The following FURIN variants were observed in gnomAD, a reference collection of about 807,000 sequenced individuals.
FURIN encodes FES upstream region.
A neutral mutation model predicts 89.2 loss-of-function variants in FURIN; 18 were observed. That is an observed-to-expected ratio of 0.20 (90% CI 0.14 to 0.30). FURIN has a LOEUF of 0.30. Ranked by LOEUF, FURIN falls within the 10% of genes least tolerant of loss-of-function variation. FURIN has a pLI of 1.00. For missense variants in FURIN, 879 were observed against 1,100.5 expected (o/e 0.80, Z 2.85); for synonymous variants, 508 against 466.4 (o/e 1.09, Z -1.15).
intron 9 of FURIN, 145 bp from the exon 10 acceptor site, chr15:90,879,299 C>T: frequency 3.0e-6 from 2 of 664,842 alleles, no homozygotes; most frequent in Non-Finnish European, 5.3e-6. Flanking sequence ...GTTAGCAAGG[C>T]AGCAGCTGGG....
In FURIN at chr15:90,877,170, CCCT is replaced by C; in HGVS notation, c.538_540del (p.Pro180del). The C allele has an allele frequency of 6.2e-7, 1 of 1,612,318 alleles. No individual in the cohort carries two copies. The highest frequency in any genetic ancestry group is 8.5e-7 in the Non-Finnish European group (1 of 1,179,022). On this transcript the variant is annotated inframe_deletion, in exon 6 of 16. Coordinates refer to ENST00000268171, the MANE Select transcript of FURIN (RefSeq NM_002569.4). ...CCAGTTTTGATGTCAATGACCAGGA[CCCT>C]GACCCCCAGCCTCGGTACACACAGA...
chr15:90,877,233 T>G (rs1596076700), intron 6 of FURIN, 22 bp downstream of exon 6: 1 of 1,557,410 alleles, frequency 6.4e-7, no homozygotes, highest in Non-Finnish European at 8.8e-7. Flanking sequence ...CAGGCCCCGG[T>G]CTCTGCCTCC....
In FURIN at chr15:90,882,138, C is replaced by A. The variant is rs1567085990; in HGVS notation, c.*260C>A. 6.6e-6 allele frequency: 3 copies of A among 456,470 alleles called. No individual in the cohort carries two copies. In the South Asian group the frequency reaches 7.9e-5, roughly 12 times the overall value. The allele number at this position is 456,470 out of a possible 1,614,324, so 28.3% of individuals were successfully genotyped here. A position where few individuals can be genotyped will look rare whatever the true frequency, so the allele number is the denominator to read the frequency against. ...AGTGAAACCTTTAGGGCAGCTTGCC[C>A]CGGCCCCGGCCCCAGCCAGAGTTCC... On this transcript the variant is annotated 3_prime_UTR_variant, in exon 16 of 16. Transcript: ENST00000268171.
At position 90,875,821 on chromosome 15, in the gene FURIN, G is replaced by A. The variant is rs756829359; in HGVS notation, c.81G>A (p.Gln27=). 7 of 1,568,446 alleles carry A rather than the reference G, an allele frequency of 4.5e-6. No homozygotes were observed. The highest frequency in any genetic ancestry group is 5.2e-6 in the Non-Finnish European group (6 of 1,156,138). The part of the protein sequence containing the change: ...LVLLAADAQG[Q]KVFTNTWAVR... ...TGCTAGCAGCTGATGCTCAGGGCCA[G>A]AAGGTCTTCACCAACACGTGGGCTG... The change falls in exon 2 of 16, where the codon CAG becomes CAA. Residue 27 remains glutamine (Q), a synonymous_variant. Coordinates refer to ENST00000268171, the MANE Select transcript of FURIN (RefSeq NM_002569.4).
Position 90,876,370 on chromosome 15 carries a change from C to A in FURIN, c.276+17C>A. Reference sequence around the variant, plus strand: ...GAGCCTCAAGTGAGTGTGGCCCCAGCCCCCTCCTGCTGCCACCCTCCCCCT... The same window carrying A: ...GAGCCTCAAGTGAGTGTGGCCCCAGACCCCTCCTGCTGCCACCCTCCCCCT... On this transcript the variant is annotated intron_variant, in intron 3 of 15. Coordinates refer to ENST00000268171, the MANE Select transcript of FURIN (RefSeq NM_002569.4). This position sits in a 1 kb window ranked among gnomAD's most constrained non-coding sequence, Gnocchi z 5.0. 2 of 1,569,456 alleles carry A rather than the reference C, an allele frequency of 1.3e-6. No individual in the cohort carries two copies. Among genetic ancestry groups the A allele is most frequent in the Non-Finnish European group, 1.8e-6 (2 of 1,139,592 alleles).
intron 1 of FURIN, among the ~76,000 whole-genome samples, chr15:90,870,559 G>A (rs955447390): frequency 6.6e-6 from 1 of 152,168 alleles, no homozygotes; most frequent in Non-Finnish European, 1.5e-5. Context: ...GGAGCGAGAA[G>A]AGATGGGCAC....
Position 90,881,174 on chromosome 15 carries a change from T to C in FURIN, c.1793-112T>C. The stretch of plus-strand genomic sequence containing the variant: ...CCTGGGGCTCTTGGGATGACCACAG[T>C]CCTGGGGCTGGAGGATCCTGGGGAT... On this transcript the variant is annotated intron_variant, in intron 15 of 15. Coordinates refer to ENST00000268171, the MANE Select transcript of FURIN (RefSeq NM_002569.4). The surrounding 1 kb of genome is among the most constrained non-coding windows in gnomAD (Gnocchi z 4.3). The C allele has an allele frequency of 9.1e-7, 1 of 1,101,626 alleles. No homozygotes were observed. Among genetic ancestry groups the C allele is most frequent in the Non-Finnish European group, 1.3e-6 (1 of 747,082 alleles). 68.2% of individuals were successfully genotyped at this position (1,101,626 alleles called of 1,614,324 possible).
rs201551785 is a variant in FURIN, at chr15:90,876,959, G to A, written c.436G>A (p.Gly146Ser). 520 of 1,614,088 alleles carry A rather than the reference G, an allele frequency of 3.2e-4. 1 individual carries two copies. The highest frequency in any genetic ancestry group is 4.3e-4 in the Admixed American group (26 of 60,016). The change falls in exon 5 of 16, where the codon GGC becomes AGC. Residue 146 changes from glycine (G) to serine (S), a missense_variant. Physicochemically the swap from Gly to Ser is moderately conservative, Grantham distance 56 (BLOSUM62 0). Transcript: ENST00000268171. This position sits in a 1 kb window ranked among gnomAD's most constrained non-coding sequence, Gnocchi z 5.0. Reference sequence around the variant, plus strand: ...CTGGGCGCAGGGCTACACAGGGCACGGCATTGTGGTCTCCATTCTGGACGA... The same window carrying A: ...CTGGGCGCAGGGCTACACAGGGCACAGCATTGTGGTCTCCATTCTGGACGA... ...AAWAQGYTGH[G>S]IVVSILDDGI...
At chr15:90,869,760 G>C (rs1482777536) in intron 1 of FURIN, among the ~76,000 whole-genome samples, 1 of 152,242 alleles carries the variant, frequency 6.6e-6, no homozygotes, top group African/African-American at 2.4e-5. Flanking sequence ...CCAGTCTCCA[G>C]GATGGGTGGG....
At chr15:90,880,342 C>G in intron 13 of FURIN, 69 bp downstream of exon 13, 11 of 1,298,372 alleles carry the variant, frequency 8.5e-6, no homozygotes, top group Non-Finnish European at 1.2e-5. Flanking sequence ...CTTGCCTTTG[C>G]TCGCTCACAC....
Position 90,880,191 on chromosome 15 carries a change from A to T in FURIN, c.1474A>T (p.Thr492Ser). Reference sequence around the variant, plus strand: ...GCTGGAGCACGCTCAGGCGCGGCTCACCCTGTCCTATAATCGCCGTGGCGA... The same window carrying T: ...GCTGGAGCACGCTCAGGCGCGGCTCTCCCTGTCCTATAATCGCCGTGGCGA... ...TRLEHAQARLTLSYNRRGDLA... is the reference protein window; with the variant it reads ...TRLEHAQARLSLSYNRRGDLA... The change falls in exon 13 of 16, where the codon ACC (threonine) becomes TCC (serine). Residue 492 changes from threonine to serine, a missense_variant. Transcript: ENST00000268171. 1.2e-6 allele frequency: 2 copies of T among 1,612,696 alleles called. No individual in the cohort carries two copies. Among genetic ancestry groups the T allele is most frequent in the Non-Finnish European group, 1.7e-6 (2 of 1,179,736 alleles).
chr15:90,880,042 GC>G (rs1555428929), intron 12 of FURIN, 51 bp from the exon 13 acceptor site: 1 of 1,602,902 alleles, frequency 6.2e-7, no homozygotes, highest in Non-Finnish European at 8.5e-7. Context: ...CGCAGGGGGT[GC>G]CCGCTGGTCC....
At chr15:90,873,699 C>A (rs534486726) in intron 1 of FURIN, among the ~76,000 whole-genome samples, 1 of 152,262 alleles carries the variant, frequency 6.6e-6, no homozygotes, top group Admixed American at 6.5e-5. Context: ...TTGATCAGGC[C>A]AGCTTTCTGG....
At chr15:90,877,451 G>A (rs141392661) in intron 6 of FURIN, 76 bp from the exon 7 acceptor site, 40 of 1,189,666 alleles carry the variant, frequency 3.4e-5, no homozygotes, top group Admixed American at 4.3e-5. Context: ...CGGATCCCTC[G>A]TGCTCCTCAG....
At chr15:90,870,039 A>C (rs1456912507) in intron 1 of FURIN, among the ~76,000 whole-genome samples, 1 of 152,214 alleles carries the variant, frequency 6.6e-6, no homozygotes, top group Non-Finnish European at 1.5e-5. Context: ...GACAAGGCCA[A>C]CTGGACTTAT....
chr15:90,879,663 C>A lies in FURIN; in HGVS notation c.1155-8C>A. On this transcript the variant is annotated splice_region_variant and splice_polypyrimidine_tract_variant and intron_variant, in intron 10 of 15. Coordinates refer to ENST00000268171, the MANE Select transcript of FURIN (RefSeq NM_002569.4). ...CTGATCCCCAGCCTCTCCCTTCCTT[C>A]TTTGCAGTAAGAACCTCACATGGCG... The A allele has an allele frequency of 1.9e-6, 3 of 1,611,246 alleles. No individual in the cohort carries two copies. The highest frequency in any genetic ancestry group is 2.2e-5 in the South Asian group (2 of 91,044).
chr15:90,880,101 G>C lies in FURIN; in HGVS notation c.1384G>C (p.Gly462Arg). ...IDILTEPKDI[G>R]KRLEVRKTVT... ...TGGTGCTCTCCTGCACAGAGACATC[G>C]GGAAACGGCTCGAGGTGCGGAAGAC... Residue 462 changes from glycine (G) to arginine (R), a missense_variant, in exon 13 of 16, where the codon GGG (glycine) becomes CGG (arginine). Gly to Arg is a moderately radical substitution (Grantham distance 125, BLOSUM62 -2). This residue lies in a region of FURIN where 457 missense variants were observed against 490.7 expected (regional missense o/e 0.93). Transcript: ENST00000268171. 1 of 1,604,702 alleles carries C rather than the reference G, an allele frequency of 6.2e-7. No homozygotes were observed. The highest frequency in any genetic ancestry group is 1.3e-5 in the African/African-American group (1 of 74,952).
chr15:90,878,576 C>T (rs28402904), intron 8 of FURIN, among the ~76,000 whole-genome samples, 188 bp from the exon 9 acceptor site: 11,056 of 152,220 alleles, frequency 0.073, 537 homozygotes, highest in Non-Finnish European at 0.11. Flanking sequence ...GCCTTGGCCT[C>T]TTGGTCTGAT....
Position 90,879,519 on chromosome 15 carries a change from A to G in FURIN, c.1129A>G (p.Ile377Val), listed in dbSNP as rs2031819178. 6.2e-7 allele frequency: 1 copy of G among 1,612,954 alleles called. No individual in the cohort carries two copies. Among genetic ancestry groups the G allele is most frequent in the Non-Finnish European group, 8.5e-7 (1 of 1,179,234 alleles). Residue 377 changes from isoleucine to valine, a missense_variant, in exon 10 of 16, where the codon ATC (isoleucine) becomes GTC (valine). By Grantham distance (29) the Ile-to-Val change is conservative. Around this residue, in one of 5 missense-constraint regions of FURIN, gnomAD observed 156 missense variants for 243.7 expected, o/e 0.64. Coordinates refer to ENST00000268171, the MANE Select transcript of FURIN (RefSeq NM_002569.4). ...AGCCTCTGCCCCCTTAGCAGCCGGCATCATTGCTCTCACCCTGGAGGCCAA... is the reference window on the plus strand; with the variant it reads ...AGCCTCTGCCCCCTTAGCAGCCGGCGTCATTGCTCTCACCCTGGAGGCCAA... ...TSASAPLAAG[I>V]IALTLEANKN...
Sources: gnomAD v4.1 joint callset for allele counts (sites outside exome capture counted in the v4.1 genomes callset) on GRCh38, gnomAD v4.1.1 for gene constraint, gnomAD v4.1.1 regional missense constraint, Gnocchi (gnomAD v3.1) non-coding constraint, MANE v1.5 for transcripts, NCBI Gene and HGNC (gene_info 2026-07-23, HGNC 2026-07-21) for gene names.